The following C8B variants were observed in gnomAD, a reference collection of about 807,000 sequenced individuals.
C8B encodes complement component C8 beta chain.
C8B carries 67 observed loss-of-function variants against 64.6 expected under a neutral mutation model. The ratio of observed to expected loss-of-function variants is 1.04; its 90% CI spans 0.85 to 1.27. C8B has a LOEUF of 1.27. Ranked by LOEUF, C8B falls within the 50% of genes most tolerant of loss-of-function variation. C8B has a pLI of 0.00. For missense variants in C8B, 790 were observed against 725.2 expected (o/e 1.09, Z -1.03); for synonymous variants, 284 against 257.7 (o/e 1.10, Z -0.98).
rs1324819900 is a variant in C8B at position 56,959,979 on chromosome 1, G to A, written c.249+41C>T. On this transcript the variant is annotated intron_variant, in intron 2 of 11. Transcript: ENST00000371237. ...TCAGCCGATCTTGCTGGGGACAAAG[G>A]CTCCTGGAAGCTTAGAGCTGTCCCA... 24 of 1,611,986 alleles carry A rather than the reference G, an allele frequency of 1.5e-5. No individual in the cohort carries two copies. The Admixed American group carries it at 3.7e-4, about 25-fold the overall frequency.
At chr1:56,953,596 C>T (rs763049565) in intron 4 of C8B, among the ~76,000 whole-genome samples, 3 of 152,236 alleles carry the variant, frequency 2.0e-5, no homozygotes, top group Non-Finnish European at 4.4e-5. Flanking sequence ...TCCCACCACA[C>T]GAGCTGCCCA....
chr1:56,937,285 C>T (rs1403583313), intron 9 of C8B, among the ~76,000 whole-genome samples: 1 of 152,160 alleles, frequency 6.6e-6, no homozygotes, highest in Non-Finnish European at 1.5e-5. Context: ...ATCTTGGGAG[C>T]ACACGACAAG....
chr1:56,955,314 A>G (rs1557740755), intron 3 of C8B, among the ~76,000 whole-genome samples: 2 of 152,368 alleles, frequency 1.3e-5, no homozygotes, highest in Non-Finnish European at 1.5e-5. Context: ...CCAAGTGCAC[A>G]TTAACTAGTA....
chr1:56,933,531 A>G (rs1005527769), intron 9 of C8B, 43 bp from the exon 10 acceptor site: 1 of 1,568,698 alleles, frequency 6.4e-7, no homozygotes, highest in South Asian at 1.1e-5. Flanking sequence ...AAAAACATTT[A>G]TCAAGTAGAA....
intron 5 of C8B, among the ~76,000 whole-genome samples, chr1:56,950,942 T>A (rs770509868): frequency 6.6e-6 from 1 of 152,164 alleles, no homozygotes; most frequent in African/African-American, 2.4e-5. Context: ...CCCTTGAAAT[T>A]AGAGGTTTTG....
chr1:56,960,207 G>A lies in C8B; in HGVS notation c.93-31C>T, dbSNP rs191181273. 491 of 1,600,954 alleles carry A rather than the reference G, an allele frequency of 3.1e-4. 1 individual carries two copies. In the African/African-American group the frequency reaches 6.1e-3, roughly 20 times the overall value. On this transcript the variant is annotated intron_variant, in intron 1 of 11. Transcript: ENST00000371237. ...AGTCATTATGAGAGAAGAGAGTCAC[G>A]TATCAGAAGGGAATTAAGTATACAT... is the stretch of plus-strand genomic sequence containing the variant.
chr1:56,954,657 A>T (rs748656268), intron 4 of C8B, 29 bp downstream of exon 4: 60 of 1,613,548 alleles, frequency 3.7e-5, no homozygotes, highest in Non-Finnish European at 3.7e-5. Flanking sequence ...GTGCCTTCCC[A>T]TCTACGCCAC....
chr1:56,932,156 G>A (rs1644711415), intron 10 of C8B, among the ~76,000 whole-genome samples: 1 of 152,178 alleles, frequency 6.6e-6, no homozygotes, highest in African/African-American at 2.4e-5. Flanking sequence ...TGCTTTCAGT[G>A]TCAGAAGCTA....
At chr1:56,949,796 A>G in intron 5 of C8B, 44 bp from the exon 6 acceptor site, 1 of 1,342,040 alleles carries the variant, frequency 7.5e-7, no homozygotes, top group Non-Finnish European at 1.0e-6. Flanking sequence ...ATTTGACTCA[A>G]ATCAGTTCAA....
intron 6 of C8B, among the ~76,000 whole-genome samples, chr1:56,946,667 T>C (rs191713237): frequency 7.2e-4 from 110 of 152,298 alleles, no homozygotes; most frequent in African/African-American, 2.6e-3. Context: ...AAGCCTAAAA[T>C]ATTTACTATC....
intron 9 of C8B, among the ~76,000 whole-genome samples, chr1:56,934,253 T>A (rs581992): frequency 0.32 from 48,368 of 150,646 alleles, 8,269 homozygotes; most frequent in East Asian, 0.52. Flanking sequence ...AGCCCCCAGC[T>A]AAGTGAATAT....
At chr1:56,960,499 G>A (rs1055384065) in intron 1 of C8B, among the ~76,000 whole-genome samples, 4 of 152,232 alleles carry the variant, frequency 2.6e-5, no homozygotes, top group African/African-American at 9.6e-5. Flanking sequence ...TCACGCCCTA[G>A]CTCTATGGGA....
chr1:56,943,644 AC>A, intron 8 of C8B, 51 bp downstream of exon 8: 1 of 1,608,512 alleles, frequency 6.2e-7, no homozygotes, highest in Non-Finnish European at 8.5e-7. Flanking sequence ...CACCAGAGGC[AC>A]TAGGAGGATA....
At chr1:56,948,156 G>A (rs1237178393) in intron 6 of C8B, among the ~76,000 whole-genome samples, 1 of 152,070 alleles carries the variant, frequency 6.6e-6, no homozygotes, top group East Asian at 1.9e-4. Flanking sequence ...AAGGAGAGAA[G>A]GAAATGGGGA....
At chr1:56,963,272 A>G (rs1412778084) in intron 1 of C8B, among the ~76,000 whole-genome samples, 1 of 152,194 alleles carries the variant, frequency 6.6e-6, no homozygotes, top group African/African-American at 2.4e-5. Context: ...TCAGCAGTAA[A>G]TTGCAAGCCA....
rs1319466718 is a variant in C8B, at chr1:56,945,801, T to C, written c.1105+20A>G. On this transcript the variant is annotated intron_variant, in intron 7 of 11. Transcript: ENST00000371237. Reference sequence around the variant, plus strand: ...CTTCCCCCAGCTTTTAGGAAAGCCATGGTCCCTTGGGCAGTATACCTCCTC... The same window carrying C: ...CTTCCCCCAGCTTTTAGGAAAGCCACGGTCCCTTGGGCAGTATACCTCCTC... 1.2e-6 allele frequency: 2 copies of C among 1,614,094 alleles called. No individual in the cohort carries two copies. Among genetic ancestry groups the C allele is most frequent in the Admixed American group, 1.7e-5 (1 of 60,020 alleles).
chr1:56,954,697 A>G lies in C8B; in HGVS notation c.522T>C (p.Ser174=). 1 of 1,614,170 alleles carries G rather than the reference A, an allele frequency of 6.2e-7. No homozygotes were observed. Among genetic ancestry groups the G allele is most frequent in the Non-Finnish European group, 8.5e-7 (1 of 1,179,998 alleles). Reference sequence around the variant, plus strand: ...AAATGGTCACTTACCCACTGGCCAGACTGCCAATTCCCCAGTATTGGTCCA... The same window carrying G: ...AAATGGTCACTTACCCACTGGCCAGGCTGCCAATTCCCCAGTATTGGTCCA... The part of the protein sequence containing the change: ...HEMDQYWGIG[S]LASGINLFTN... The change falls in exon 4 of 12, where the codon AGT becomes AGC. Residue 174 remains serine, a synonymous_variant. Transcript: ENST00000371237.
chr1:56,936,716 T>G (rs546746106), intron 9 of C8B, among the ~76,000 whole-genome samples: 29 of 152,056 alleles, frequency 1.9e-4, no homozygotes, highest in African/African-American at 7.0e-4. Context: ...TGCCTCAGCC[T>G]CCCGAGTAGC....
chr1:56,959,567 A>G (rs535569302), intron 2 of C8B: 1 of 1,534,874 alleles, frequency 6.5e-7, no homozygotes, highest in East Asian at 2.4e-5. Flanking sequence ...GAGAGAGTGA[A>G]GGCCAGAGTC....
Sources: gnomAD v4.1 joint callset for allele counts (sites outside exome capture counted in the v4.1 genomes callset) on GRCh38, gnomAD v4.1.1 for gene constraint, MANE v1.5 for transcripts, NCBI Gene and HGNC (gene_info 2026-07-23, HGNC 2026-07-21) for gene names.